The following IGSF22 variants were observed in gnomAD, a reference collection of about 807,000 sequenced individuals.
The protein encoded by IGSF22 is immunoglobulin superfamily member 22.
Under a neutral mutation model 127.0 loss-of-function variants are expected in IGSF22, and 119 were observed. That is an observed-to-expected ratio of 0.94 (90% CI 0.81 to 1.09). The LOEUF is 1.09. Among genes scored for constraint, IGSF22 ranks in the 50% least tolerant of loss-of-function variants. The pLI, the probability that IGSF22 is intolerant of heterozygous loss-of-function variation, is 0.00. For synonymous variants in IGSF22, 568 were observed against 664.7 expected (o/e 0.85, Z 2.24); for missense variants, 1,518 against 1,716.6 (o/e 0.88, Z 2.04).
rs1848317931 is a variant in IGSF22, at chr11:18,709,868, T to C, written c.2702-185A>G. Among the ~76,000 whole-genome samples the C allele has an allele frequency of 6.6e-6, 1 of 152,238 alleles. No homozygotes were observed. The highest frequency in any genetic ancestry group is 1.5e-5 in the Non-Finnish European group (1 of 68,046). On this transcript the variant is annotated intron_variant, in intron 17 of 22. Coordinates refer to ENST00000513874, the MANE Select transcript of IGSF22 (RefSeq NM_173588.4). This position sits in a 1 kb window ranked among gnomAD's most constrained non-coding sequence, Gnocchi z 4.8. ...CCAAATTCAAATTCAGTTATCTTAC[T>C]GTTTTAACACTTTCATCCTTAAACT...
At position 18,716,721 on chromosome 11, in the gene IGSF22, C is replaced by A; in HGVS notation, c.1246+7G>T. On this transcript the variant is annotated splice_region_variant and intron_variant, in intron 10 of 22. Coordinates refer to ENST00000513874, the MANE Select transcript of IGSF22 (RefSeq NM_173588.4). This position sits in a 1 kb window ranked among gnomAD's most constrained non-coding sequence, Gnocchi z 4.5. Reference sequence around the variant, plus strand: ...CCCACCCCTTAGGCTCTTGCCCAACCACTCACGGTCAACAGTGAGCTGGGC... The same window carrying A: ...CCCACCCCTTAGGCTCTTGCCCAACAACTCACGGTCAACAGTGAGCTGGGC... 1 of 1,611,726 alleles carries A rather than the reference C, an allele frequency of 6.2e-7. No homozygotes were observed.
intron 22 of IGSF22, 200 bp from the exon 23 acceptor site, chr11:18,704,738 C>G: frequency 1.8e-6 from 1 of 570,554 alleles, no homozygotes; most frequent in South Asian, 2.0e-5. Flanking sequence ...CAGTTGTGTA[C>G]TGTCTCATTT....
chr11:18,724,039 T>G, intron 2 of IGSF22, 89 bp downstream of exon 2: 1 of 983,520 alleles, frequency 1.0e-6, no homozygotes, highest in East Asian at 2.4e-5. Context: ...AGGGGCCCAT[T>G]AGTGGCAAAA....
chr11:18,704,914 A>AT, intron 22 of IGSF22: 1 of 242,628 alleles, frequency 4.1e-6, no homozygotes. Flanking sequence ...TGAAAGCTGG[A>AT]TAGCACCCAC....
chr11:18,720,006 G>A, intron 6 of IGSF22, 58 bp downstream of exon 6: 2 of 1,611,730 alleles, frequency 1.2e-6, no homozygotes, highest in South Asian at 2.2e-5. Flanking sequence ...AGGCCTTTGA[G>A]AGGCTTTGGC....
In IGSF22 at chr11:18,708,302, T is replaced by G; in HGVS notation, c.2999-7A>C. The G allele has an allele frequency of 1.9e-6, 3 of 1,539,374 alleles. No homozygotes were observed. ...AGGTCAAACTTGGGTGCAGCTGAGA[T>G]GGAGGAGACAGAGGTGGAGGCATGG... On this transcript the variant is annotated splice_region_variant and splice_polypyrimidine_tract_variant and intron_variant, in intron 18 of 22. Transcript: ENST00000513874.
In IGSF22 at chr11:18,718,621, C is replaced by T. The variant is rs769647178; in HGVS notation, c.804G>A (p.Trp268Ter). ...CTGGCTAGGCATCCCCCACCTTGAT[C>T]CATATCATCTTGACATTGGGGTCTT... ...ELKDPNVKMI[W>*]IKGTEPLRIQ... The change falls in exon 8 of 23, where the codon TGG (tryptophan) becomes TGA (stop). Residue 268 changes from tryptophan (W) to a stop codon, truncating the protein, a stop_gained. Transcript: ENST00000513874. LOFTEE classifies it high-confidence loss of function. 3 of 1,593,890 alleles carry T rather than the reference C, an allele frequency of 1.9e-6. No homozygotes were observed. Among genetic ancestry groups the T allele is most frequent in the Non-Finnish European group, 2.6e-6 (3 of 1,161,490 alleles).
intron 17 of IGSF22, 32 bp downstream of exon 17, chr11:18,710,295 T>C (rs888595484): frequency 6.2e-7 from 1 of 1,607,436 alleles, no homozygotes; most frequent in African/African-American, 1.3e-5. Flanking sequence ...CTAATTCCAT[T>C]ATGTGTCAGG....
Position 18,712,288 on chromosome 11 carries a change from C to A in IGSF22, c.2192G>T (p.Arg731Leu). ...KWKAPKDNGG[R>L]PVTQFIVERR... ...TTCCACTATGAACTGTGTCACAGGT[C>A]GTCCACCATTGTCCTTTGGGGCCTT... Residue 731 changes from arginine (R) to leucine (L), a missense_variant, in exon 15 of 23, where the codon CGA (arginine) becomes CTA (leucine). Coordinates refer to ENST00000513874, the MANE Select transcript of IGSF22 (RefSeq NM_173588.4). 6.4e-7 allele frequency: 1 copy of A among 1,551,710 alleles called. No individual in the cohort carries two copies. The highest frequency in any genetic ancestry group is 1.2e-5 in the South Asian group (1 of 84,052).
chr11:18,704,730 GT>G, intron 22 of IGSF22, 192 bp from the exon 23 acceptor site: 1 of 578,998 alleles, frequency 1.7e-6, no homozygotes, highest in Non-Finnish European at 3.1e-6. Context: ...GTGCCAGGCA[GT>G]TGTGTACTGT....
rs1044720991 is a variant in IGSF22, at chr11:18,713,925, G to A, written c.2022C>T (p.Asp674=). The change falls in exon 14 of 23, where the codon GAC becomes GAT. Residue 674 remains aspartate, a synonymous_variant. Transcript: ENST00000513874. ...TGAGCTTGAGCAGGATGAGGCCGCT[G>A]TCTTCACGCACACAGTTGGAGATGG... is the stretch of plus-strand genomic sequence containing the variant. ...LLTISNCVRE[D]SGLILLKLKN... 6.2e-7 allele frequency: 1 copy of A among 1,614,166 alleles called. No individual in the cohort carries two copies. The highest frequency in any genetic ancestry group is 1.3e-5 in the African/African-American group (1 of 74,958).
chr11:18,714,465 C>A (rs1564872064), intron 12 of IGSF22, 35 bp downstream of exon 12: 1 of 1,613,942 alleles, frequency 6.2e-7, no homozygotes. Flanking sequence ...CCAGGTCTAC[C>A]TCCTTCACCC....
intron 4 of IGSF22, 91 bp from the exon 5 acceptor site, chr11:18,720,376 A>G (rs1040759974): frequency 4.1e-5 from 32 of 780,816 alleles, no homozygotes; most frequent in Non-Finnish European, 5.4e-5. Context: ...TTTTTTTTTT[A>G]GGGGACAATA....
At chr11:18,708,064 T>C (rs969646931) in intron 19 of IGSF22, 68 bp from the exon 20 acceptor site, 4 of 1,581,710 alleles carry the variant, frequency 2.5e-6, no homozygotes, top group Non-Finnish European at 2.6e-6. Context: ...CTTCCTCCAT[T>C]GTCGAGGAGT....
Position 18,710,790 on chromosome 11 carries a change from C to T in IGSF22, c.2437G>A (p.Val813Met), listed in dbSNP as rs757116443. ...GFASQPQVTDVTKEAVTITWN... is the reference protein window; with the variant it reads ...GFASQPQVTDMTKEAVTITWN... ...GTGATGGTCACGGCTTCTTTAGTCA[C>T]ATCAGTCACTTGAGGCTGGGAGGCA... The change falls in exon 16 of 23, where the codon GTG becomes ATG. Residue 813 changes from valine to methionine, a missense_variant. Physicochemically the swap from Val to Met is conservative, Grantham distance 21 (BLOSUM62 1). Coordinates refer to ENST00000513874, the MANE Select transcript of IGSF22 (RefSeq NM_173588.4). 1 of 1,614,062 alleles carries T rather than the reference C, an allele frequency of 6.2e-7. No homozygotes were observed. Among genetic ancestry groups the T allele is most frequent in the South Asian group, 1.1e-5 (1 of 91,084 alleles).
intron 14 of IGSF22, among the ~76,000 whole-genome samples, chr11:18,712,918 G>A (rs752205446): frequency 6.6e-6 from 1 of 152,110 alleles, no homozygotes; most frequent in East Asian, 1.9e-4. Flanking sequence ...TGGCGTGTAC[G>A]TGGCGTGTTG....
Position 18,709,545 on chromosome 11 carries a change from C to T in IGSF22, c.2840G>A (p.Trp947Ter). 1 of 1,614,148 alleles carries T rather than the reference C, an allele frequency of 6.2e-7. No homozygotes were observed. The highest frequency in any genetic ancestry group is 8.5e-7 in the Non-Finnish European group (1 of 1,180,042). The change falls in exon 18 of 23, where the codon TGG becomes TAG. Residue 947 changes from tryptophan to a stop codon, truncating the protein, a stop_gained. Coordinates refer to ENST00000513874, the MANE Select transcript of IGSF22 (RefSeq NM_173588.4). LOFTEE classifies it high-confidence loss of function. The surrounding 1 kb of genome is among the most constrained non-coding windows in gnomAD (Gnocchi z 4.8). ...LEMRAEDTKE[W>*]SKCTKIPISG... ...GATGGGGATCTTTGTGCACTTGGAC[C>T]ACTCCTTTGTGTCTTCAGCCCTCAT... is the stretch of plus-strand genomic sequence containing the variant.
In IGSF22 at chr11:18,709,309, T is replaced by C. The variant is rs1564868636; in HGVS notation, c.2998+78A>G. 4 of 1,435,996 alleles carry C rather than the reference T, an allele frequency of 2.8e-6. No homozygotes were observed. Among genetic ancestry groups the C allele is most frequent in the Non-Finnish European group, 3.8e-6 (4 of 1,047,718 alleles). 89.0% of individuals were successfully genotyped at this position (1,435,996 alleles called of 1,614,324 possible). A position where few individuals can be genotyped will look rare whatever the true frequency, so the allele number is the denominator to read the frequency against. ...TGATCCTAGCATCATCCAATTTTCC[T>C]GTGGGATGAGGCCCCAGAGGAGAAG... is the stretch of plus-strand genomic sequence containing the variant. On this transcript the variant is annotated intron_variant, in intron 18 of 22. Transcript: ENST00000513874. The surrounding 1 kb of genome is among the most constrained non-coding windows in gnomAD (Gnocchi z 4.8).
At position 18,719,885 on chromosome 11, in the gene IGSF22, G is replaced by A; in HGVS notation, c.527C>T (p.Pro176Leu). ...CTTCTTCTGCTTCTTCTTGGGAGCAGGGGGTGCCCTAGGAGAAGGAGGAAG... is the reference window on the plus strand; with the variant it reads ...CTTCTTCTGCTTCTTCTTGGGAGCAAGGGGTGCCCTAGGAGAAGGAGGAAG... ...FKKMLKKRAPPAPKKKQKKVA... is the reference protein window; with the variant it reads ...FKKMLKKRAPLAPKKKQKKVA... The change falls in exon 7 of 23, where the codon CCT becomes CTT. Residue 176 changes from proline (P) to leucine (L), a missense_variant. Pro to Leu is a moderately conservative substitution (Grantham distance 98, BLOSUM62 -3). This residue lies in a region of IGSF22 where 1,456 missense variants were observed against 1,644.9 expected (regional missense o/e 0.89). Transcript: ENST00000513874. 1 of 1,614,078 alleles carries A rather than the reference G, an allele frequency of 6.2e-7. No individual in the cohort carries two copies. The highest frequency in any genetic ancestry group is 1.1e-5 in the South Asian group (1 of 91,082).
Sources: allele counts gnomAD v4.1 joint callset (sites outside exome capture counted in the v4.1 genomes callset), GRCh38; gene constraint gnomAD v4.1.1; regional missense constraint gnomAD v4.1.1; non-coding constraint Gnocchi (gnomAD v3.1); transcripts MANE v1.5; gene names NCBI Gene and HGNC (gene_info 2026-07-23, HGNC 2026-07-21).